Variants in TSHZ2 observed in about 807,000 individuals in gnomAD.
TSHZ2 encodes teashirt homolog 2.
TSHZ2 carries 21 observed loss-of-function variants against 74.4 expected under a neutral mutation model. The ratio of observed to expected loss-of-function variants is 0.28; its 90% CI spans 0.20 to 0.41. The LOEUF (loss-of-function observed/expected upper bound fraction) is 0.41, where lower values mean the gene tolerates loss of function less well. Among genes scored for constraint, TSHZ2 ranks in the 10% least tolerant of loss-of-function variants. The pLI, the probability that TSHZ2 is intolerant of heterozygous loss-of-function variation, is 1.00. For synonymous variants in TSHZ2, 540 were observed against 515.3 expected (o/e 1.05, Z -0.65); for missense variants, 1,244 against 1,293.5 (o/e 0.96, Z 0.59).
At chr20:53,303,491 C>T (rs772217835) in intron 2 of TSHZ2, among the ~76,000 whole-genome samples, 2 of 152,202 alleles carry the variant, frequency 1.3e-5, no homozygotes, top group African/African-American at 2.4e-5. Flanking sequence ...CTTCTATGAA[C>T]GGTATCACAG....
At chr20:53,351,565 A>G (rs1471748141) in intron 2 of TSHZ2, among the ~76,000 whole-genome samples, 2 of 152,250 alleles carry the variant, frequency 1.3e-5, no homozygotes, top group Non-Finnish European at 1.5e-5. Context: ...AAATTTTGAA[A>G]GATAAAATGT....
At chr20:53,288,748 C>T (rs992037717) in intron 2 of TSHZ2, among the ~76,000 whole-genome samples, 8 of 152,028 alleles carry the variant, frequency 5.3e-5, no homozygotes, top group African/African-American at 1.9e-4. Context: ...CTAATAAGTG[C>T]TAAGAAGAGA....
chr20:53,106,391 CTTTTTTTTTTTTTTTTTT>C (rs71194458), intron 1 of TSHZ2, among the ~76,000 whole-genome samples: 3 of 58,938 alleles, frequency 5.1e-5, no homozygotes, highest in South Asian at 1.1e-3. Context: ...CTCACACTTT[CTTTTTTTTTTTTTTTTTT>C]TTTTTTTTTT....
At chr20:53,210,369 G>A (rs999481487) in intron 1 of TSHZ2, among the ~76,000 whole-genome samples, 1 of 152,166 alleles carries the variant, frequency 6.6e-6, no homozygotes, top group African/African-American at 2.4e-5. Flanking sequence ...GATGAATGAG[G>A]GATTTTATCG....
chr20:53,250,367 A>G (rs1170711838), intron 1 of TSHZ2, among the ~76,000 whole-genome samples: 1 of 152,220 alleles, frequency 6.6e-6, no homozygotes, highest in African/African-American at 2.4e-5. Flanking sequence ...ACTGATACTC[A>G]TTATTCACTC....
intron 2 of TSHZ2, among the ~76,000 whole-genome samples, chr20:53,437,436 G>A (rs532015795): frequency 2.0e-5 from 3 of 152,096 alleles, no homozygotes; most frequent in Non-Finnish European, 4.4e-5. Flanking sequence ...TTGCACCACT[G>A]CACTGCAGCC....
chr20:53,181,127 G>T (rs1988457815), intron 1 of TSHZ2, among the ~76,000 whole-genome samples: 1 of 152,016 alleles, frequency 6.6e-6, no homozygotes, highest in South Asian at 2.1e-4. Flanking sequence ...TAACTTCACT[G>T]TCATCTCCTG....
At chr20:53,073,046 C>T (rs1289223312) in intron 1 of TSHZ2, among the ~76,000 whole-genome samples, 1 of 147,836 alleles carries the variant, frequency 6.8e-6, no homozygotes, top group Non-Finnish European at 1.5e-5. Context: ...TCCATCCATT[C>T]CTCCTTAATC....
chr20:53,459,961 C>T (rs1600658106), intron 2 of TSHZ2, among the ~76,000 whole-genome samples: 1 of 152,084 alleles, frequency 6.6e-6, no homozygotes, highest in Non-Finnish European at 1.5e-5. Context: ...TGAGGGTAAC[C>T]CGACCTTTCT....
At chr20:53,030,709 T>C (rs1983603473) in intron 1 of TSHZ2, among the ~76,000 whole-genome samples, 2 of 152,228 alleles carry the variant, frequency 1.3e-5, no homozygotes, top group African/African-American at 4.8e-5. Flanking sequence ...TTGTAAAGTG[T>C]GGAAAGAAAT....
intron 1 of TSHZ2, among the ~76,000 whole-genome samples, chr20:53,067,890 GCATTGCTCCCACTGA>G (rs1332687633): frequency 6.6e-6 from 1 of 152,154 alleles, no homozygotes; most frequent in Non-Finnish European, 1.5e-5. Context: ...TGTTGGCATG[GCATTGCTCCCACTGA>G]AGGCTCTGGG....
chr20:53,377,127 G>C (rs1420458957), intron 2 of TSHZ2, among the ~76,000 whole-genome samples: 2 of 152,198 alleles, frequency 1.3e-5, no homozygotes, highest in African/African-American at 2.4e-5. Flanking sequence ...AACATGTATA[G>C]TTTGAACAAG....
At position 53,090,882 on chromosome 20, in the gene TSHZ2, A is replaced by G. The variant is rs914507108; in HGVS notation, c.40+117549A>G. The stretch of plus-strand genomic sequence containing the variant: ...TTTCGTTTGCTGTTTTGTTTCCAAT[A>G]TGTCATGTTTCCATATAACAAAACA... On this transcript the variant is annotated intron_variant, in intron 1 of 2. Coordinates refer to ENST00000371497, the MANE Select transcript of TSHZ2 (RefSeq NM_173485.6). Among the ~76,000 whole-genome samples, 4 of 152,174 alleles carry G rather than the reference A, an allele frequency of 2.6e-5. No homozygotes were observed. In the East Asian group the frequency reaches 7.7e-4, roughly 29 times the overall value.
chr20:53,121,683 T>C (rs1255250862), intron 1 of TSHZ2, among the ~76,000 whole-genome samples: 1 of 152,242 alleles, frequency 6.6e-6, no homozygotes, highest in Non-Finnish European at 1.5e-5. Context: ...AAGTTGATAA[T>C]GTTTTTAAAA....
chr20:53,470,867 A>G (rs1600666400), intron 2 of TSHZ2, among the ~76,000 whole-genome samples: 1 of 152,286 alleles, frequency 6.6e-6, no homozygotes, highest in East Asian at 1.9e-4. Context: ...TTCATTTTCA[A>G]CCAAACAGCT....
chr20:52,994,895 T>C (rs938345208), intron 1 of TSHZ2, among the ~76,000 whole-genome samples: 2 of 152,146 alleles, frequency 1.3e-5, no homozygotes, highest in African/African-American at 4.8e-5. Flanking sequence ...CCCATGTACA[T>C]TACAGTGCAC....
chr20:53,080,931 A>G (rs933731640), intron 1 of TSHZ2, among the ~76,000 whole-genome samples: 1 of 152,250 alleles, frequency 6.6e-6, no homozygotes, highest in African/African-American at 2.4e-5. Context: ...AGGCAAAAAT[A>G]ACACTTCTTA....
At chr20:53,199,806 G>C (rs1988957228) in intron 1 of TSHZ2, among the ~76,000 whole-genome samples, 2 of 152,146 alleles carry the variant, frequency 1.3e-5, no homozygotes, top group African/African-American at 4.8e-5. Context: ...GGAAGCGTGT[G>C]AGCCAGGAAT....
chr20:53,050,132 T>TATATATGTGTATATATATATACAC (rs1157390287), intron 1 of TSHZ2, among the ~76,000 whole-genome samples: 1 of 94,520 alleles, frequency 1.1e-5, no homozygotes, highest in Admixed American at 1.1e-4. Context: ...TATACACATA[T>TATATATGTGTATATATATATACAC]ATATATGTGT....
Sources: allele counts gnomAD v4.1 joint callset (sites outside exome capture counted in the v4.1 genomes callset), GRCh38; gene constraint gnomAD v4.1.1; transcripts MANE v1.5; gene names NCBI Gene and HGNC (gene_info 2026-07-23, HGNC 2026-07-21).